Variants in C5orf24 observed in about 807,000 individuals in gnomAD.
The protein encoded by C5orf24 is UPF0461 protein C5orf24.
In C5orf24, 4 loss-of-function variants were observed where a neutral mutation model predicts 9.8. The observed-to-expected ratio is 0.41, with a 90% CI of 0.20 to 0.93. The LOEUF (loss-of-function observed/expected upper bound fraction) is 0.93, where lower values mean the gene tolerates loss of function less well. Among genes scored for constraint, C5orf24 ranks in the 40% least tolerant of loss-of-function variants. The pLI is 0.33. For synonymous variants in C5orf24, 73 were observed against 81.3 expected, an observed-to-expected ratio of 0.90 and a Z score of 0.55; for missense variants, 170 against 236.9, an observed-to-expected ratio of 0.72 and a Z score of 1.85.
chr5:134,836,833 C>T, the C5orf24 span, among the ~76,000 whole-genome samples: 11 of 151,992 alleles, frequency 7.2e-5, no homozygotes, highest in African/African-American at 2.7e-4. Flanking sequence ...TGAGCCACCC[C>T]TCCCAGCCTG....
At chr5:134,838,327 A>G in the C5orf24 span, among the ~76,000 whole-genome samples, 1 of 152,168 alleles carries the variant, frequency 6.6e-6, no homozygotes, top group Non-Finnish European at 1.5e-5. Context: ...AAGGATGTAT[A>G]CTTTTGAAGA....
At chr5:134,835,727 C>G in the C5orf24 span, among the ~76,000 whole-genome samples, 1 of 152,152 alleles carries the variant, frequency 6.6e-6, no homozygotes, top group South Asian at 2.1e-4. Flanking sequence ...GGGTCTTGCT[C>G]TGTTGCCCAG....
At chr5:134,847,511 G>T (rs1248179644) in intron 1 of C5orf24, among the ~76,000 whole-genome samples, 1 of 152,058 alleles carries the variant, frequency 6.6e-6, no homozygotes, top group South Asian at 2.1e-4. Flanking sequence ...GACCAGGCTG[G>T]TCTCGAACTG....
In C5orf24 at chr5:134,857,157, A is replaced by C. The variant is rs1357689458; in HGVS notation, c.*1690A>C. ...AAATATTATAAACTTCAGACTTGAAAAAATTCCACTTAACTTTAAAGTTAC... is the reference window on the plus strand; with the variant it reads ...AAATATTATAAACTTCAGACTTGAACAAATTCCACTTAACTTTAAAGTTAC... On this transcript the variant is annotated 3_prime_UTR_variant, in exon 2 of 2. Coordinates refer to ENST00000394976, the MANE Select transcript of C5orf24 (RefSeq NM_001135586.1). 7.6e-7 allele frequency: 1 copy of C among 1,319,658 alleles called. No homozygotes were observed. The highest frequency in any genetic ancestry group is 9.8e-7 in the Non-Finnish European group (1 of 1,024,484). 81.7% of individuals were successfully genotyped at this position (1,319,658 alleles called of 1,614,324 possible).
In C5orf24 at chr5:134,858,163, A is replaced by G. The variant is rs999998657; in HGVS notation, c.*2696A>G. The stretch of plus-strand genomic sequence containing the variant: ...GGCAAATGGCTACAGTTGTAAATGG[A>G]TAACATCATTTAGAAAGCCGAATTT... On this transcript the variant is annotated 3_prime_UTR_variant, in exon 2 of 2. Coordinates refer to ENST00000394976, the MANE Select transcript of C5orf24 (RefSeq NM_001135586.1). The G allele has an allele frequency of 1.2e-5, 2 of 167,088 alleles. No individual in the cohort carries two copies. The highest frequency in any genetic ancestry group is 2.4e-5 in the African/African-American group (1 of 41,444). 10.4% of individuals were successfully genotyped at this position (167,088 alleles called of 1,614,324 possible). A position where few individuals can be genotyped will look rare whatever the true frequency, so the allele number is the denominator to read the frequency against.
chr5:134,840,934 A>T (rs1755883013), upstream of C5orf24, among the ~76,000 whole-genome samples: 1 of 152,178 alleles, frequency 6.6e-6, no homozygotes, highest in Non-Finnish European at 1.5e-5. Context: ...TCAGTCCCTC[A>T]GGAGGTGGAG....
In C5orf24 at chr5:134,858,960, T is replaced by C. The variant is rs540742774; in HGVS notation, c.*3493T>C. The C allele has an allele frequency of 1.2e-5, 2 of 167,092 alleles. No individual in the cohort carries two copies. Among genetic ancestry groups the C allele is most frequent in the South Asian group, 4.1e-4 (2 of 4,826 alleles). The allele number at this position is 167,092 out of a possible 1,614,324, so 10.4% of individuals were successfully genotyped here. ...AATATTGATTCCAAACTGATGTTTG[T>C]GTGAATTTACATGTCTATTTTCATG... On this transcript the variant is annotated 3_prime_UTR_variant, in exon 2 of 2. Coordinates refer to ENST00000394976, the MANE Select transcript of C5orf24 (RefSeq NM_001135586.1).
rs1756333982 is a variant in C5orf24, at chr5:134,857,042, A to G, written c.*1575A>G. 8 of 1,077,958 alleles carry G rather than the reference A, an allele frequency of 7.4e-6. No individual in the cohort carries two copies. Among genetic ancestry groups the G allele is most frequent in the Non-Finnish European group, 9.1e-6 (8 of 878,466 alleles). 66.8% of individuals were successfully genotyped at this position (1,077,958 alleles called of 1,614,324 possible). On this transcript the variant is annotated 3_prime_UTR_variant, in exon 2 of 2. Transcript: ENST00000394976. ...GAAAAAAAGTATTAGGTAGATATGT[A>G]TAGTAGGGACAGAGGGAAATCTTTC...
intron 1 of C5orf24, among the ~76,000 whole-genome samples, chr5:134,854,401 A>G (rs985426381): frequency 2.0e-5 from 3 of 152,234 alleles, no homozygotes; most frequent in Non-Finnish European, 4.4e-5. Flanking sequence ...AATTACAATA[A>G]CGATGGAGTG....
At position 134,856,989 on chromosome 5, in the gene C5orf24, A is replaced by G. The variant is rs1463098113; in HGVS notation, c.*1522A>G. The G allele has an allele frequency of 3.0e-6, 3 of 1,008,416 alleles. No individual in the cohort carries two copies. The African/African-American group carries it at 5.2e-5, about 18-fold the overall frequency. 62.5% of individuals were successfully genotyped at this position (1,008,416 alleles called of 1,614,324 possible). On this transcript the variant is annotated 3_prime_UTR_variant, in exon 2 of 2. Coordinates refer to ENST00000394976, the MANE Select transcript of C5orf24 (RefSeq NM_001135586.1). Reference sequence around the variant, plus strand: ...CCAAAAGATTTTTTTTCCCCCAATGATGTTTGCTTTAGAAGCAAGATAGAA... The same window carrying G: ...CCAAAAGATTTTTTTTCCCCCAATGGTGTTTGCTTTAGAAGCAAGATAGAA...
At chr5:134,835,580 G>A in the C5orf24 span, among the ~76,000 whole-genome samples, 1 of 152,216 alleles carries the variant, frequency 6.6e-6, no homozygotes, top group African/African-American at 2.4e-5. Context: ...CCAGGAGGTG[G>A]AGGTTACAGT....
chr5:134,835,703 T>C, the C5orf24 span, among the ~76,000 whole-genome samples: 1 of 152,134 alleles, frequency 6.6e-6, no homozygotes, highest in African/African-American at 2.4e-5. Flanking sequence ...TTCTTTATTT[T>C]ACTTTCAGAG....
chr5:134,836,363 A>C, the C5orf24 span, among the ~76,000 whole-genome samples: 2 of 151,748 alleles, frequency 1.3e-5, no homozygotes, highest in East Asian at 3.9e-4. Context: ...AGTAGAGACA[A>C]GGTTTTACCA....
rs879188084 is a variant in C5orf24, at chr5:134,858,121, G to GA, written c.*2663dup. The stretch of plus-strand genomic sequence containing the variant: ...TTTATTATCAGCAGCTATGTCCCAG[G>GA]AAAAAAAAATGGGAGGGGCAAATGG... On this transcript the variant is annotated 3_prime_UTR_variant, in exon 2 of 2. Coordinates refer to ENST00000394976, the MANE Select transcript of C5orf24 (RefSeq NM_001135586.1). 9.6e-4 allele frequency: 158 copies of GA among 165,142 alleles called. No individual in the cohort carries two copies. Among genetic ancestry groups the GA allele is most frequent in the Non-Finnish European group, 1.2e-3 (83 of 67,590 alleles). The allele number at this position is 165,142 out of a possible 1,614,324, so 10.2% of individuals were successfully genotyped here. A position where few individuals can be genotyped will look rare whatever the true frequency, so the allele number is the denominator to read the frequency against.
chr5:134,850,991 CATATATTTATTTATTT>C (rs1462490464), intron 1 of C5orf24, among the ~76,000 whole-genome samples: 1 of 145,150 alleles, frequency 6.9e-6, no homozygotes, highest in Non-Finnish European at 1.5e-5. Context: ...TACAGAAATA[CATATATTTATTTATTT>C]ATTTATTTAT....
chr5:134,846,424 CCTTT>C (rs1755997629), intron 1 of C5orf24: 1 of 152,366 alleles, frequency 6.6e-6, no homozygotes, highest in Non-Finnish European at 1.5e-5. Flanking sequence ...GAGGGAGCCC[CCTTT>C]CTTTTCTTTG....
the C5orf24 span, among the ~76,000 whole-genome samples, chr5:134,834,769 A>G: frequency 1.3e-5 from 2 of 152,018 alleles, no homozygotes; most frequent in African/African-American, 4.8e-5. Context: ...CTACAAGGCC[A>G]GGCACGGTAG....
chr5:134,835,735 C>G, the C5orf24 span, among the ~76,000 whole-genome samples: 1 of 152,074 alleles, frequency 6.6e-6, no homozygotes. Flanking sequence ...CTCTGTTGCC[C>G]AGGCTGGAGT....
Position 134,854,918 on chromosome 5 carries a change from C to T in C5orf24, c.18C>T (p.Ala6=). 1 of 1,613,810 alleles carries T rather than the reference C, an allele frequency of 6.2e-7. No individual in the cohort carries two copies. Among genetic ancestry groups the T allele is most frequent in the Non-Finnish European group, 8.5e-7 (1 of 1,179,994 alleles). The change falls in exon 2 of 2, where the codon GCC becomes GCT. Residue 6 remains alanine, a synonymous_variant. Coordinates refer to ENST00000394976, the MANE Select transcript of C5orf24 (RefSeq NM_001135586.1). ...GGTAGAAAATGATGCATCCTGTTGC[C>T]AGCAGTAATCCAGCTTTCTGTGGGC... MMHPV[A]SSNPAFCGPG...
Sources: allele counts gnomAD v4.1 joint callset (sites outside exome capture counted in the v4.1 genomes callset), GRCh38; gene constraint gnomAD v4.1.1; transcripts MANE v1.5; gene names NCBI Gene and HGNC (gene_info 2026-07-23, HGNC 2026-07-21).